Variants in DNMT3A observed in about 807,000 individuals in gnomAD.
The protein encoded by DNMT3A is DNA (cytosine-5)-methyltransferase 3A.
In DNMT3A, 267 loss-of-function variants were observed where a neutral mutation model predicts 117.6. The observed-to-expected ratio is 2.27, with a 90% CI of 2.05 to 2.51. The LOEUF (loss-of-function observed/expected upper bound fraction) is 2.51, where lower values mean the gene tolerates loss of function less well. Among genes scored for constraint, DNMT3A ranks in the 30% most tolerant of loss-of-function variants. The pLI is 0.00. For synonymous variants in DNMT3A, 432 were observed against 474.8 expected, an observed-to-expected ratio of 0.91 and a Z score of 1.17; for missense variants, 1,029 against 1,260.2, an observed-to-expected ratio of 0.82 and a Z score of 2.78.
rs910683964 is a variant in DNMT3A, at chr2:25,229,529, C to T, written c.*4750G>A. 5.9e-5 allele frequency: 9 copies of T among 152,268 alleles called. No individual in the cohort carries two copies. The highest frequency in any genetic ancestry group is 2.2e-4 in the African/African-American group (9 of 41,454). 9.4% of individuals were successfully genotyped at this position (152,268 alleles called of 1,614,324 possible). Reference sequence around the variant, plus strand: ...CGCAATGACAAACTCAGATTACTCACCTCCCGGGACCAAAACAGGGGCCTG... The same window carrying T: ...CGCAATGACAAACTCAGATTACTCATCTCCCGGGACCAAAACAGGGGCCTG... On this transcript the variant is annotated 3_prime_UTR_variant, in exon 23 of 23. Transcript: ENST00000321117.
Position 25,230,132 on chromosome 2 carries a change from C to T in DNMT3A, c.*4147G>A, listed in dbSNP as rs1157673979. 6.6e-6 allele frequency: 1 copy of T among 152,252 alleles called. No individual in the cohort carries two copies. The highest frequency in any genetic ancestry group is 2.4e-5 in the African/African-American group (1 of 41,454). The allele number at this position is 152,252 out of a possible 1,614,324, so 9.4% of individuals were successfully genotyped here. A position where few individuals can be genotyped will look rare whatever the true frequency, so the allele number is the denominator to read the frequency against. On this transcript the variant is annotated 3_prime_UTR_variant, in exon 23 of 23. Coordinates refer to ENST00000321117, the MANE Select transcript of DNMT3A (RefSeq NM_022552.5). ...GGTGCTCTCTTGGAAAGTTTGCTTT[C>T]CAATAGGATGTTCAATAGCAAGAAG...
At position 25,236,088 on chromosome 2, in the gene DNMT3A, C is replaced by T. The variant is rs1013207044; in HGVS notation, c.2479-263G>A. On this transcript the variant is annotated intron_variant, in intron 21 of 22. Transcript: ENST00000321117. This position sits in a 1 kb window ranked among gnomAD's most constrained non-coding sequence, Gnocchi z 4.5. The stretch of plus-strand genomic sequence containing the variant: ...CAGACTTTTTTTTTTTTTTTTGAGA[C>T]GGAGTCTCGCTCTGTCACCCAGGCT... Among the ~76,000 whole-genome samples, 11 of 149,436 alleles carry T rather than the reference C, an allele frequency of 7.4e-5. No homozygotes were observed. The highest frequency in any genetic ancestry group is 1.2e-4 in the African/African-American group (5 of 40,560).
intron 6 of DNMT3A, among the ~76,000 whole-genome samples, chr2:25,265,192 G>A (rs1374303078): frequency 6.6e-6 from 1 of 152,210 alleles, no homozygotes; most frequent in Non-Finnish European, 1.5e-5. Context: ...GGGTGGTCGG[G>A]GAGGCTGAAA....
At chr2:25,240,498 A>G (rs1377952248) in intron 18 of DNMT3A, 48 bp from the exon 19 acceptor site, 4 of 1,584,190 alleles carry the variant, frequency 2.5e-6, no homozygotes, top group Non-Finnish European at 3.4e-6. Flanking sequence ...TCTGCATAGG[A>G]CAGTGGTGTG....
chr2:25,275,092 G>A lies in DNMT3A; in HGVS notation c.493-5C>T, dbSNP rs965976083. 1 of 1,569,058 alleles carries A rather than the reference G, an allele frequency of 6.4e-7. No homozygotes were observed. On this transcript the variant is annotated splice_region_variant and splice_polypyrimidine_tract_variant and intron_variant, in intron 5 of 22. Transcript: ENST00000321117. ...CCGCAGCCGGCCCCGGGAGCCCTAG[G>A]ACAGAGAGACAGACATTAGGGCATT...
At chr2:25,245,116 C>T (rs1674583359) in intron 13 of DNMT3A, 137 bp downstream of exon 13, 1 of 759,040 alleles carries the variant, frequency 1.3e-6, no homozygotes, top group East Asian at 2.6e-5. Context: ...GACTCTGCTT[C>T]CAGAGGAAGC....
intron 1 of DNMT3A, among the ~76,000 whole-genome samples, chr2:25,322,504 C>T (rs546487892): frequency 1.3e-5 from 2 of 151,880 alleles, no homozygotes; most frequent in African/African-American, 2.4e-5. Flanking sequence ...ATTCCCGCTG[C>T]GTCCAGCCCA....
rs1573318026 is a variant in DNMT3A, at chr2:25,241,893, G to A, written c.1937-186C>T. ...GAGTATCCATAGTAAGGACATCGAGGCTCTGTCTCATGCCTCGTTTGGCCT... is the reference window on the plus strand; with the variant it reads ...GAGTATCCATAGTAAGGACATCGAGACTCTGTCTCATGCCTCGTTTGGCCT... On this transcript the variant is annotated intron_variant, in intron 16 of 22. Transcript: ENST00000321117. The A allele has an allele frequency of 2.4e-5, 17 of 720,798 alleles. No individual in the cohort carries two copies. In the East Asian group the frequency reaches 5.1e-4, roughly 22 times the overall value. The allele number at this position is 720,798 out of a possible 1,614,324, so 44.7% of individuals were successfully genotyped here.
chr2:25,288,510 C>T (rs765317025), intron 3 of DNMT3A, among the ~76,000 whole-genome samples: 15 of 151,970 alleles, frequency 9.9e-5, no homozygotes, highest in Non-Finnish European at 1.8e-4. Flanking sequence ...TGGGATTTCA[C>T]CATCTTGGCC....
chr2:25,239,652 T>G (rs1171093036), intron 19 of DNMT3A: 1 of 458,262 alleles, frequency 2.2e-6, no homozygotes, highest in Non-Finnish European at 4.6e-6. Context: ...CCAGCGAGTA[T>G]GGGTGTGTTT....
rs1672775614 is a variant in DNMT3A at position 25,229,065 on chromosome 2, A to C, written c.*5214T>G. 1 of 152,208 alleles carries C rather than the reference A, an allele frequency of 6.6e-6. No homozygotes were observed. The highest frequency in any genetic ancestry group is 1.5e-5 in the Non-Finnish European group (1 of 68,064). The allele number at this position is 152,208 out of a possible 1,614,324, so 9.4% of individuals were successfully genotyped here. Reference sequence around the variant, plus strand: ...TCCTTGCTTGTTTCTCCCTCCCCCAAAACTCTGCTGCCTCGGGTCAGAGAC... The same window carrying C: ...TCCTTGCTTGTTTCTCCCTCCCCCACAACTCTGCTGCCTCGGGTCAGAGAC... On this transcript the variant is annotated 3_prime_UTR_variant, in exon 23 of 23. Transcript: ENST00000321117.
chr2:25,317,873 T>C (rs569332567), intron 1 of DNMT3A, among the ~76,000 whole-genome samples: 108 of 151,692 alleles, frequency 7.1e-4, no homozygotes, highest in Non-Finnish European at 1.2e-3. Flanking sequence ...GTAGCTGGGA[T>C]TACAGGCATG....
chr2:25,278,042 C>CACACAAAAACAG (rs1553422580), intron 4 of DNMT3A, among the ~76,000 whole-genome samples: 2 of 146,294 alleles, frequency 1.4e-5, no homozygotes, highest in African/African-American at 5.1e-5. Context: ...CACACACAGA[C>CACACAAAAACAG]ACACACGCTT....
chr2:25,229,968 G>A lies in DNMT3A; in HGVS notation c.*4311C>T, dbSNP rs1428104768. 1.3e-5 allele frequency: 2 copies of A among 152,264 alleles called. No homozygotes were observed. The highest frequency in any genetic ancestry group is 4.8e-5 in the African/African-American group (2 of 41,442). 9.4% of individuals were successfully genotyped at this position (152,264 alleles called of 1,614,324 possible). On this transcript the variant is annotated 3_prime_UTR_variant, in exon 23 of 23. Coordinates refer to ENST00000321117, the MANE Select transcript of DNMT3A (RefSeq NM_022552.5). ...CGGGAAGCAAGGGGAGCTGGGCCCT[G>A]TGAGACCCCTTTGGTGTCAGCCTTC...
rs1386134993 is a variant in DNMT3A at position 25,294,672 on chromosome 2, C to T, written c.177+5467G>A. On this transcript the variant is annotated intron_variant, in intron 3 of 22. Coordinates refer to ENST00000321117, the MANE Select transcript of DNMT3A (RefSeq NM_022552.5). The surrounding 1 kb of genome is among the most constrained non-coding windows in gnomAD (Gnocchi z 4.7). Reference sequence around the variant, plus strand: ...CAGGCTGGAAAGCTAGCCAGTGCTGCAAACCTCCAAGAGCTGCCATAAGCT... The same window carrying T: ...CAGGCTGGAAAGCTAGCCAGTGCTGTAAACCTCCAAGAGCTGCCATAAGCT... 6.6e-6 allele frequency among the ~76,000 whole-genome samples: 1 copy of T among 152,234 alleles called. No homozygotes were observed. The highest frequency in any genetic ancestry group is 1.5e-5 in the Non-Finnish European group (1 of 68,038).
intron 6 of DNMT3A, among the ~76,000 whole-genome samples, chr2:25,259,258 G>C (rs1676410119): frequency 6.6e-6 from 1 of 152,236 alleles, no homozygotes; most frequent in African/African-American, 2.4e-5. Context: ...GGTCTGCCCA[G>C]CTCTACCAGT....
rs1672960891 is a variant in DNMT3A at position 25,233,140 on chromosome 2, C to CT, written c.*1138dup. The CT allele has an allele frequency of 4.3e-6, 1 of 233,662 alleles. No homozygotes were observed. The highest frequency in any genetic ancestry group is 8.5e-6 in the Non-Finnish European group (1 of 118,058). The allele number at this position is 233,662 out of a possible 1,614,324, so 14.5% of individuals were successfully genotyped here. A position where few individuals can be genotyped will look rare whatever the true frequency, so the allele number is the denominator to read the frequency against. ...TCTGCCATCTTGCCGAGGGAGTCTCCTTTTAGAAAACAATCAAAGGGTTAT... is the reference window on the plus strand; with the variant it reads ...TCTGCCATCTTGCCGAGGGAGTCTCCTTTTTAGAAAACAATCAAAGGGTTAT... On this transcript the variant is annotated 3_prime_UTR_variant, in exon 23 of 23. Coordinates refer to ENST00000321117, the MANE Select transcript of DNMT3A (RefSeq NM_022552.5).
At chr2:25,319,928 C>T (rs1025530557) in intron 1 of DNMT3A, among the ~76,000 whole-genome samples, 1 of 152,176 alleles carries the variant, frequency 6.6e-6, no homozygotes, top group African/African-American at 2.4e-5. Context: ...CGCCGCCATG[C>T]CCGGCTAATT....
rs10628428 is a variant in DNMT3A, at chr2:25,308,968, TACACACACAC to T, written c.72+4935_72+4944del. On this transcript the variant is annotated intron_variant, in intron 2 of 22. Coordinates refer to ENST00000321117, the MANE Select transcript of DNMT3A (RefSeq NM_022552.5). ...AGCCCCAATGCTGCCCACAGATGCA[TACACACACAC>T]ACACACACACACACACACACACGCA... Among the ~76,000 whole-genome samples, 3 of 144,046 alleles carry T rather than the reference TACACACACAC, an allele frequency of 2.1e-5. No individual in the cohort carries two copies. In the South Asian group the frequency reaches 6.8e-4, roughly 33 times the overall value. The allele number at this position is 144,046 out of a possible 152,430, so 94.5% of individuals were successfully genotyped here. A position where few individuals can be genotyped will look rare whatever the true frequency, so the allele number is the denominator to read the frequency against.
Sources: gnomAD v4.1 joint callset for allele counts (sites outside exome capture counted in the v4.1 genomes callset) on GRCh38, gnomAD v4.1.1 for gene constraint, Gnocchi (gnomAD v3.1) non-coding constraint, MANE v1.5 for transcripts, NCBI Gene and HGNC (gene_info 2026-07-23, HGNC 2026-07-21) for gene names.